The following KCNH5 variants were observed in gnomAD, a reference collection of about 807,000 sequenced individuals.
KCNH5 encodes potassium voltage-gated channel subfamily H member 5, also known as voltage-gated delayed rectifier potassium channel KCNH5.
KCNH5 carries 46 observed loss-of-function variants against 96.1 expected under a neutral mutation model. The observed-to-expected ratio is 0.48, with a 90% CI of 0.38 to 0.61. The LOEUF (loss-of-function observed/expected upper bound fraction) is 0.61. KCNH5 is among the 20% of genes least tolerant of loss of function. KCNH5 has a pLI of 0.00. For missense variants in KCNH5, 907 were observed against 1,225.8 expected (o/e 0.74, Z 3.88); for synonymous variants, 439 against 449.8 (o/e 0.98, Z 0.30).
Position 62,716,175 on chromosome 14 carries a change from TA to T in KCNH5, c.2020-7721del, listed in dbSNP as rs948579631. On this transcript the variant is annotated intron_variant, in intron 10 of 10. Transcript: ENST00000322893. The stretch of plus-strand genomic sequence containing the variant: ...TTTTTATTTGTACAAATTTTTCATT[TA>T]AAAAAATATAGAAGGAAAGCAAAGT... 7.2e-5 allele frequency among the ~76,000 whole-genome samples: 11 copies of T among 152,242 alleles called. No individual in the cohort carries two copies. The South Asian group carries it at 8.3e-4, about 11-fold the overall frequency.
In KCNH5 at chr14:62,989,939, T is replaced by C. The variant is rs371356226; in HGVS notation, c.434-2752A>G. Among the ~76,000 whole-genome samples, 21 of 152,158 alleles carry C rather than the reference T, an allele frequency of 1.4e-4. 1 individual carries two copies. The East Asian group carries it at 2.5e-3, about 18-fold the overall frequency. On this transcript the variant is annotated intron_variant, in intron 4 of 10. Coordinates refer to ENST00000322893, the MANE Select transcript of KCNH5 (RefSeq NM_139318.5). ...TATAATTTTACCTGGTGATAATCTG[T>C]GCACCTTACATCAATAGAATGTTAT...
chr14:62,919,361 G>C (rs1889337710), intron 7 of KCNH5, among the ~76,000 whole-genome samples: 1 of 152,044 alleles, frequency 6.6e-6, no homozygotes. Context: ...TTTTAATAAT[G>C]ATATAACTGC....
At position 62,753,501 on chromosome 14, in the gene KCNH5, C is replaced by T. The variant is rs527439854; in HGVS notation, c.2019+26227G>A. Among the ~76,000 whole-genome samples, 11 of 152,144 alleles carry T rather than the reference C, an allele frequency of 7.2e-5. No individual in the cohort carries two copies. In the South Asian group the frequency reaches 2.1e-3, roughly 29 times the overall value. On this transcript the variant is annotated intron_variant, in intron 10 of 10. Transcript: ENST00000322893. The stretch of plus-strand genomic sequence containing the variant: ...TCAAGTACAAGAAGGTTATAGAACA[C>T]AAAGCAGATTTAACCCAAAGAAAAC...
intron 7 of KCNH5, among the ~76,000 whole-genome samples, chr14:62,935,795 C>T (rs1004247900): frequency 3.3e-5 from 5 of 152,160 alleles, no homozygotes; most frequent in East Asian, 3.8e-4. Flanking sequence ...CTTCAAGGGG[C>T]CTTCTGGAGT....
intron 10 of KCNH5, among the ~76,000 whole-genome samples, chr14:62,766,673 C>A (rs1294239842): frequency 6.6e-6 from 1 of 151,988 alleles, no homozygotes; most frequent in Admixed American, 6.6e-5. Flanking sequence ...GGATGGTGAA[C>A]AGAAACTGGG....
chr14:62,803,023 T>C (rs1318049197), intron 8 of KCNH5, among the ~76,000 whole-genome samples: 1 of 152,134 alleles, frequency 6.6e-6, no homozygotes, highest in South Asian at 2.1e-4. Context: ...TGGTGGTGCA[T>C]GCCTGTAGTT....
intron 7 of KCNH5, among the ~76,000 whole-genome samples, chr14:62,862,455 A>G (rs1888056020): frequency 6.6e-6 from 1 of 152,196 alleles, no homozygotes; most frequent in Admixed American, 6.5e-5. Flanking sequence ...TGGTGGGTTT[A>G]AAAACATTAC....
At chr14:62,916,936 A>C (rs1264130979) in intron 7 of KCNH5, among the ~76,000 whole-genome samples, 1 of 152,234 alleles carries the variant, frequency 6.6e-6, no homozygotes, top group African/African-American at 2.4e-5. Context: ...TAACAACTTG[A>C]TCACTGACTG....
chr14:62,984,888 GC>G (rs1485575355), intron 5 of KCNH5, among the ~76,000 whole-genome samples: 1 of 152,190 alleles, frequency 6.6e-6, no homozygotes, highest in African/African-American at 2.4e-5. Flanking sequence ...GATTCTGGGT[GC>G]TAAGGGAGAA....
chr14:62,772,573 G>T (rs1314317341), intron 10 of KCNH5, among the ~76,000 whole-genome samples: 2 of 150,022 alleles, frequency 1.3e-5, no homozygotes, highest in Non-Finnish European at 3.0e-5. Context: ...GGAGGTGGAG[G>T]TTGCAGTGAG....
intron 10 of KCNH5, among the ~76,000 whole-genome samples, chr14:62,722,698 A>T (rs2139915244): frequency 6.6e-6 from 1 of 152,336 alleles, no homozygotes; most frequent in Non-Finnish European, 1.5e-5. Context: ...TATGTGAAAA[A>T]TAACATCATT....
intron 1 of KCNH5, among the ~76,000 whole-genome samples, chr14:63,021,667 C>A (rs1054357943): frequency 6.6e-6 from 1 of 152,076 alleles, no homozygotes; most frequent in Admixed American, 6.6e-5. Flanking sequence ...TCAACTCACT[C>A]CTATTTAGCT....
chr14:62,846,221 C>T (rs193024078), intron 8 of KCNH5, among the ~76,000 whole-genome samples: 110 of 152,180 alleles, frequency 7.2e-4, no homozygotes, highest in Middle Eastern at 3.4e-3. Context: ...TGCATTCTGT[C>T]TTCCATAAAT....
intron 7 of KCNH5, among the ~76,000 whole-genome samples, chr14:62,900,551 T>C (rs1048056847): frequency 6.6e-6 from 1 of 152,152 alleles, no homozygotes; most frequent in Admixed American, 6.5e-5. Context: ...TTATAGAAGA[T>C]GATTATGGTA....
chr14:62,943,343 T>C (rs1430326880), intron 7 of KCNH5, among the ~76,000 whole-genome samples: 1 of 152,188 alleles, frequency 6.6e-6, no homozygotes, highest in African/African-American at 2.4e-5. Flanking sequence ...AATTCCATCA[T>C]TGCATTCCTT....
At chr14:62,832,806 G>T (rs1887383121) in intron 8 of KCNH5, among the ~76,000 whole-genome samples, 1 of 152,172 alleles carries the variant, frequency 6.6e-6, no homozygotes, top group Non-Finnish European at 1.5e-5. Flanking sequence ...CATCCTGGCA[G>T]TTGACAGGTA....
intron 10 of KCNH5, among the ~76,000 whole-genome samples, chr14:62,714,787 T>C (rs1303264548): frequency 1.3e-5 from 2 of 152,190 alleles, no homozygotes; most frequent in South Asian, 2.1e-4. Flanking sequence ...TAATATTTGG[T>C]TTTATTCTCA....
At chr14:62,824,462 A>G (rs1252282806) in intron 8 of KCNH5, among the ~76,000 whole-genome samples, 2 of 152,110 alleles carry the variant, frequency 1.3e-5, no homozygotes, top group Non-Finnish European at 2.9e-5. Context: ...GAAATATTAC[A>G]TGCAAAATAG....
intron 10 of KCNH5, among the ~76,000 whole-genome samples, chr14:62,757,421 C>T (rs903871136): frequency 6.6e-6 from 1 of 152,126 alleles, no homozygotes; most frequent in Non-Finnish European, 1.5e-5. Flanking sequence ...ACCATATGAT[C>T]TAGCACCCCC....
Sources: allele counts gnomAD v4.1 joint callset (sites outside exome capture counted in the v4.1 genomes callset), GRCh38; gene constraint gnomAD v4.1.1; transcripts MANE v1.5; gene names NCBI Gene and HGNC (gene_info 2026-07-23, HGNC 2026-07-21).